The following ENTREP1 variants were observed in gnomAD, a reference collection of about 807,000 sequenced individuals.
ENTREP1 encodes endosomal transmembrane epsin interactor 1, also known as Friedreich ataxia region gene X123.
chr9:69,364,347 T>A, the ENTREP1 span, among the ~76,000 whole-genome samples: 1 of 151,704 alleles, frequency 6.6e-6, no homozygotes. Context: ...AGATTTCAAA[T>A]TCAGATTTGA....
the ENTREP1 span, among the ~76,000 whole-genome samples, chr9:69,360,395 A>G: frequency 0.32 from 48,959 of 152,004 alleles, 9,199 homozygotes; most frequent in Admixed American, 0.4. Flanking sequence ...TCCCTTTCTC[A>G]ATAAAGTTAT....
chr9:69,358,071 A>G, the ENTREP1 span, among the ~76,000 whole-genome samples: 1 of 152,136 alleles, frequency 6.6e-6, no homozygotes, highest in African/African-American at 2.4e-5. Context: ...TGGCAGTTAG[A>G]GTCTCAGCAA....
At chr9:69,383,130 T>C in the ENTREP1 span, 6 of 985,094 alleles carry the variant, frequency 6.1e-6, no homozygotes, top group African/African-American at 8.7e-5. Context: ...TAAGACATAA[T>C]TGAATTTTCC....
the ENTREP1 span, among the ~76,000 whole-genome samples, chr9:69,343,504 C>T: frequency 6.6e-6 from 1 of 152,058 alleles, no homozygotes; most frequent in South Asian, 2.1e-4. Flanking sequence ...GAAGTGGCAC[C>T]GTCGCAGCTC....
chr9:69,340,081 T>G, the ENTREP1 span, among the ~76,000 whole-genome samples: 30 of 152,202 alleles, frequency 2.0e-4, no homozygotes, highest in African/African-American at 6.3e-4. Context: ...AGTAAGAAAT[T>G]TAGGTCCTGG....
At chr9:69,386,339 A>G in the ENTREP1 span, 237 of 154,224 alleles carry the variant, frequency 1.5e-3, 2 homozygotes, top group African/African-American at 5.5e-3. Flanking sequence ...ATAATTTGTT[A>G]TATTTTTACT....
chr9:69,325,643 G>A, the ENTREP1 span: 1 of 1,231,448 alleles, frequency 8.1e-7, no homozygotes, highest in East Asian at 3.2e-5. Flanking sequence ...CTGCTGCATG[G>A]TGGCGCTCAG....
chr9:69,341,698 G>A, the ENTREP1 span, among the ~76,000 whole-genome samples: 4 of 152,154 alleles, frequency 2.6e-5, no homozygotes, highest in Non-Finnish European at 5.9e-5. Flanking sequence ...GATATGGAGA[G>A]CTGGAGTGGT....
At chr9:69,367,680 A>C in the ENTREP1 span, among the ~76,000 whole-genome samples, 12 of 47,358 alleles carry the variant, frequency 2.5e-4, no homozygotes, top group African/African-American at 7.6e-4. Context: ...CACATATATA[A>C]ATATATATAT....
At chr9:69,342,392 C>T in the ENTREP1 span, among the ~76,000 whole-genome samples, 1 of 152,192 alleles carries the variant, frequency 6.6e-6, no homozygotes, top group Admixed American at 6.5e-5. Context: ...CCTCCATTAG[C>T]CAATCGGTAG....
the ENTREP1 span, among the ~76,000 whole-genome samples, chr9:69,350,900 C>A: frequency 3.9e-5 from 6 of 152,120 alleles, no homozygotes; most frequent in African/African-American, 1.4e-4. Context: ...CTTTTCTTTT[C>A]CTTGAAAATC....
chr9:69,333,923 G>A, the ENTREP1 span, among the ~76,000 whole-genome samples: 1 of 152,172 alleles, frequency 6.6e-6, no homozygotes, highest in Admixed American at 6.5e-5. Flanking sequence ...ACATGCACAA[G>A]CATACGTGCC....
chr9:69,342,608 C>T, the ENTREP1 span, among the ~76,000 whole-genome samples: 451 of 152,356 alleles, frequency 3.0e-3, 5 homozygotes, highest in Middle Eastern at 0.014. Context: ...CTATCAATTT[C>T]AATCAATGAG....
the ENTREP1 span, chr9:69,336,230 C>A: frequency 6.3e-7 from 1 of 1,579,146 alleles, no homozygotes; most frequent in Admixed American, 1.7e-5. Flanking sequence ...TCTCTGGAAT[C>A]ATAGGATTAA....
the ENTREP1 span, among the ~76,000 whole-genome samples, chr9:69,350,531 T>A: frequency 3.6e-4 from 55 of 152,354 alleles, no homozygotes; most frequent in African/African-American, 1.3e-3. Context: ...ACAGATGTCA[T>A]CTGAATATTT....
chr9:69,388,217 G>A, the ENTREP1 span: 1 of 1,614,052 alleles, frequency 6.2e-7, no homozygotes, highest in Admixed American at 1.7e-5. Context: ...GGATCTGGCT[G>A]CAGTGACTCT....
chr9:69,339,741 G>T, the ENTREP1 span, among the ~76,000 whole-genome samples: 1 of 152,126 alleles, frequency 6.6e-6, no homozygotes, highest in Non-Finnish European at 1.5e-5. Context: ...TAGGCTCAGG[G>T]GCACCTTCTG....
the ENTREP1 span, among the ~76,000 whole-genome samples, chr9:69,367,752 A>AATATATATATACACATATATATAAAT: frequency 3.3e-5 from 4 of 121,866 alleles, no homozygotes; most frequent in African/African-American, 1.1e-4. Context: ...CACATATATA[A>AATATATATATACACATATATATAAAT]ATATATATAT....
the ENTREP1 span, among the ~76,000 whole-genome samples, chr9:69,378,140 G>A: frequency 5.9e-5 from 9 of 152,276 alleles, no homozygotes; most frequent in African/African-American, 2.2e-4. Flanking sequence ...AAGGGAAACT[G>A]ACACCCAGGG....
Sources: allele counts gnomAD v4.1 joint callset (sites outside exome capture counted in the v4.1 genomes callset), GRCh38; gene constraint gnomAD v4.1.1; transcripts MANE v1.5; gene names NCBI Gene and HGNC (gene_info 2026-07-23, HGNC 2026-07-21).